The following SFMBT2 variants were observed in gnomAD, a reference collection of about 807,000 sequenced individuals.
The protein encoded by SFMBT2 is scm-like with four MBT domains protein 2.
Under a neutral mutation model 110.1 loss-of-function variants are expected in SFMBT2, and 38 were observed. The ratio of observed to expected loss-of-function variants is 0.35; its 90% CI spans 0.27 to 0.45. SFMBT2 has a LOEUF of 0.45. Ranked by LOEUF, SFMBT2 falls within the 20% of genes least tolerant of loss-of-function variation. The pLI is 1.00. For missense variants in SFMBT2, 1,011 were observed against 1,094.9 expected (o/e 0.92, Z 1.08); for synonymous variants, 425 against 425.4 (o/e 1.00, Z 0.01).
At position 7,386,614 on chromosome 10, in the gene SFMBT2, ATG is replaced by A. The variant is rs544837085; in HGVS notation, c.-51-4667_-51-4666del. Among the ~76,000 whole-genome samples the A allele has an allele frequency of 1.7e-3, 253 of 152,226 alleles. 2 individuals carry two copies. Among genetic ancestry groups the A allele is most frequent in the African/African-American group, 5.7e-3 (236 of 41,520 alleles). ...CGGAGCAAAAAAAAAAATTCTGTGT[ATG>A]TGAACCCACTGGTCATTGGTTAGGT... On this transcript the variant is annotated intron_variant, in intron 1 of 20. Transcript: ENST00000397167.
chr10:7,261,240 T>C (rs1374080560), intron 7 of SFMBT2, among the ~76,000 whole-genome samples: 1 of 152,230 alleles, frequency 6.6e-6, no homozygotes, highest in Non-Finnish European at 1.5e-5. Context: ...GGTTTTTGAG[T>C]TCCTATGATT....
intron 1 of SFMBT2, among the ~76,000 whole-genome samples, chr10:7,395,643 T>G (rs11255109): frequency 0.026 from 3,885 of 152,250 alleles, 89 homozygotes; most frequent in Non-Finnish European, 0.038. Flanking sequence ...TCTGGGATAT[T>G]TCCTCAACTT....
At chr10:7,387,375 G>A (rs148888461) in intron 1 of SFMBT2, among the ~76,000 whole-genome samples, 17 of 152,260 alleles carry the variant, frequency 1.1e-4, no homozygotes, top group Non-Finnish European at 1.9e-4. Context: ...CAGACACCAC[G>A]TTGGGCACTG....
chr10:7,334,986 C>T (rs1843673394), intron 4 of SFMBT2, among the ~76,000 whole-genome samples: 1 of 152,118 alleles, frequency 6.6e-6, no homozygotes, highest in South Asian at 2.1e-4. Context: ...GAGGCGGGAG[C>T]ATAAATCACC....
At chr10:7,182,416 C>T (rs1290261479) in intron 16 of SFMBT2, among the ~76,000 whole-genome samples, 2 of 152,128 alleles carry the variant, frequency 1.3e-5, no homozygotes, top group Admixed American at 6.5e-5. Flanking sequence ...GACTTACAAA[C>T]AGCATACCAA....
intron 2 of SFMBT2, among the ~76,000 whole-genome samples, chr10:7,373,456 A>T (rs1845113689): frequency 6.6e-6 from 1 of 152,186 alleles, no homozygotes; most frequent in South Asian, 2.1e-4. Context: ...TTGCCTCACA[A>T]TCCTCCCAAG....
intron 4 of SFMBT2, among the ~76,000 whole-genome samples, chr10:7,352,092 G>C (rs1339668919): frequency 6.6e-6 from 1 of 151,820 alleles, no homozygotes; most frequent in African/African-American, 2.4e-5. Flanking sequence ...GCTCAGGCCA[G>C]GTGACTCACA....
At chr10:7,238,446 C>T (rs538743950) in intron 9 of SFMBT2, among the ~76,000 whole-genome samples, 1 of 152,148 alleles carries the variant, frequency 6.6e-6, no homozygotes. Context: ...GGGCCATGAG[C>T]GTCTATGTTA....
rs1216241294 is a variant in SFMBT2, at chr10:7,162,355, CG to C, written c.*1414del. 1 of 152,084 alleles carries C rather than the reference CG, an allele frequency of 6.6e-6. No homozygotes were observed. The allele number at this position is 152,084 out of a possible 1,614,324, so 9.4% of individuals were successfully genotyped here. A position where few individuals can be genotyped will look rare whatever the true frequency, so the allele number is the denominator to read the frequency against. ...CAGCAGGAGACAGTGTGCTCACCAC[CG>C]CACCCTCAGGGTCCACACCTGTCAC... On this transcript the variant is annotated 3_prime_UTR_variant, in exon 21 of 21. Transcript: ENST00000397167.
At chr10:7,250,805 G>A (rs1436570733) in intron 7 of SFMBT2, among the ~76,000 whole-genome samples, 3 of 152,138 alleles carry the variant, frequency 2.0e-5, no homozygotes, top group Admixed American at 1.3e-4. Context: ...TCTCCTTGTG[G>A]TTTTGATTTC....
chr10:7,234,391 T>C (rs1015561470), intron 9 of SFMBT2, among the ~76,000 whole-genome samples: 2 of 152,332 alleles, frequency 1.3e-5, no homozygotes, highest in East Asian at 3.9e-4. Context: ...TTATTCTGAA[T>C]TATAAACACA....
chr10:7,225,824 C>G (rs1839883540), intron 10 of SFMBT2, among the ~76,000 whole-genome samples: 2 of 152,178 alleles, frequency 1.3e-5, no homozygotes, highest in South Asian at 4.1e-4. Context: ...CTCTTTGTAC[C>G]TTGTCAGGTA....
intron 7 of SFMBT2, among the ~76,000 whole-genome samples, chr10:7,257,705 C>T (rs1841071714): frequency 6.6e-6 from 1 of 152,154 alleles, no homozygotes; most frequent in African/African-American, 2.4e-5. Context: ...AGAACCGAAG[C>T]TTATGCTTTT....
At position 7,408,668 on chromosome 10, in the gene SFMBT2, G is replaced by A. The variant is rs976463182; in HGVS notation, c.-52+2193C>T. On this transcript the variant is annotated intron_variant, in intron 1 of 20. Transcript: ENST00000397167. The surrounding 1 kb of genome is among the most constrained non-coding windows in gnomAD (Gnocchi z 5.7). ...TGTTCAGCGGCCGCGTCCTGGCCAC[G>A]GGCGACCCCTGTCGGGAACCCTGTT... 1 of 152,140 alleles carries A rather than the reference G, an allele frequency of 6.6e-6. No homozygotes were observed. The highest frequency in any genetic ancestry group is 2.1e-4 in the South Asian group (1 of 4,820). The allele number at this position is 152,140 out of a possible 1,614,324, so 9.4% of individuals were successfully genotyped here. A position where few individuals can be genotyped will look rare whatever the true frequency, so the allele number is the denominator to read the frequency against.
At chr10:7,379,963 G>A (rs181587142) in intron 2 of SFMBT2, among the ~76,000 whole-genome samples, 4,090 of 152,238 alleles carry the variant, frequency 0.027, 87 homozygotes, top group Middle Eastern at 0.044. Flanking sequence ...CTGCAACCGT[G>A]TGCACATGAA....
At chr10:7,326,203 A>G (rs998512446) in intron 4 of SFMBT2, among the ~76,000 whole-genome samples, 12 of 152,226 alleles carry the variant, frequency 7.9e-5, no homozygotes, top group Non-Finnish European at 1.3e-4. Flanking sequence ...AAAAATTCAG[A>G]CTATTTTAAA....
intron 4 of SFMBT2, among the ~76,000 whole-genome samples, chr10:7,342,396 C>CTTTTTTTTTTTTTTTTTT (rs71382101): frequency 1.4e-5 from 1 of 69,664 alleles, no homozygotes; most frequent in Non-Finnish European, 2.8e-5. Flanking sequence ...TGGAGTGAGT[C>CTTTTTTTTTTTTTTTTTT]TTTTTTTTTT....
chr10:7,225,153 T>TA (rs1839861150), intron 10 of SFMBT2, among the ~76,000 whole-genome samples: 1 of 152,232 alleles, frequency 6.6e-6, no homozygotes, highest in Non-Finnish European at 1.5e-5. Context: ...CTAAGTAAGT[T>TA]AAAATGCATT....
intron 7 of SFMBT2, among the ~76,000 whole-genome samples, chr10:7,260,071 G>T (rs1350178368): frequency 6.6e-6 from 1 of 152,178 alleles, no homozygotes; most frequent in African/African-American, 2.4e-5. Flanking sequence ...GCATGCACAG[G>T]ACAATAACAA....
Sources: allele counts gnomAD v4.1 joint callset (sites outside exome capture counted in the v4.1 genomes callset), GRCh38; gene constraint gnomAD v4.1.1; non-coding constraint Gnocchi (gnomAD v3.1); transcripts MANE v1.5; gene names NCBI Gene and HGNC (gene_info 2026-07-23, HGNC 2026-07-21).